The following NR6A1 variants were observed in gnomAD, a reference collection of about 807,000 sequenced individuals.
The protein encoded by NR6A1 is nuclear receptor subfamily 6 group A member 1, also known as retinoic acid receptor-related testis-associated receptor.
A neutral mutation model predicts 59.1 loss-of-function variants in NR6A1; 7 were observed. The observed-to-expected ratio is 0.12, with a 90% CI of 0.07 to 0.22. The LOEUF is 0.22. Ranked by LOEUF, NR6A1 falls within the 10% of genes least tolerant of loss-of-function variation. The probability of loss-of-function intolerance (pLI) is 1.00; values close to 1 mark genes in which losing one functional copy is unlikely to be tolerated. For missense variants in NR6A1, 468 were observed against 611.6 expected (o/e 0.77, Z 2.48); for synonymous variants, 243 against 236.1 (o/e 1.03, Z -0.27).
rs10639098 is a variant in NR6A1, at chr9:124,519,901, C to CAAAAAAAAAAA, written c.*2793_*2803dup. 2.9e-4 allele frequency: 7 copies of CAAAAAAAAAAA among 23,902 alleles called. No homozygotes were observed. Among genetic ancestry groups the CAAAAAAAAAAA allele is most frequent in the African/African-American group, 9.2e-4 (7 of 7,650 alleles). 1.5% of individuals were successfully genotyped at this position (23,902 alleles called of 1,614,324 possible). ...TGAGCGACAGAGCGAGACTCCGCCT[C>CAAAAAAAAAAA]AAAAAAAAAAAAAAAAAAAAAAAAA... On this transcript the variant is annotated 3_prime_UTR_variant, in exon 10 of 10. Transcript: ENST00000487099.
intron 2 of NR6A1, among the ~76,000 whole-genome samples, chr9:124,640,980 A>G (rs1479769893): frequency 6.6e-6 from 1 of 152,202 alleles, no homozygotes; most frequent in Non-Finnish European, 1.5e-5. Flanking sequence ...GAATTATGTT[A>G]AGCATTTCAT....
chr9:124,698,887 C>T (rs1266509577), intron 2 of NR6A1, among the ~76,000 whole-genome samples: 2 of 152,148 alleles, frequency 1.3e-5, no homozygotes, highest in East Asian at 1.9e-4. Flanking sequence ...GTTCTTCAGA[C>T]TAAATCTACT....
At chr9:124,617,689 G>C (rs765069354) in intron 2 of NR6A1, among the ~76,000 whole-genome samples, 2 of 152,110 alleles carry the variant, frequency 1.3e-5, no homozygotes, top group Admixed American at 1.3e-4. Flanking sequence ...GCATCCCCCA[G>C]ACCAACAAGG....
chr9:124,538,231 G>A lies in NR6A1; in HGVS notation c.685C>T (p.Leu229Phe), dbSNP rs1833338892. The A allele has an allele frequency of 8.7e-6, 14 of 1,614,036 alleles. No individual in the cohort carries two copies. The highest frequency in any genetic ancestry group is 1.2e-5 in the Non-Finnish European group (14 of 1,180,026). ...VPPHYQYIPH[L>F]FSYSGHSPLL... ...GGTGAGTGGCCAGAATAGCTAAAAA[G>A]GTGCGGTATATATTGGTAATGTGGA... The change falls in exon 6 of 10, where the codon CTT becomes TTT. Residue 229 changes from leucine (L) to phenylalanine (F), a missense_variant. This residue lies in a region of NR6A1 where 151 missense variants were observed against 142.8 expected (regional missense o/e 1.06). Transcript: ENST00000487099.
At chr9:124,738,147 A>G (rs1318128164) in intron 1 of NR6A1, among the ~76,000 whole-genome samples, 1 of 151,898 alleles carries the variant, frequency 6.6e-6, no homozygotes, top group African/African-American at 2.4e-5. Flanking sequence ...ACAGCTACTC[A>G]GGAGGCTGAG....
At chr9:124,550,917 T>C (rs577854986) in intron 3 of NR6A1, among the ~76,000 whole-genome samples, 5 of 152,246 alleles carry the variant, frequency 3.3e-5, no homozygotes, top group African/African-American at 1.2e-4. Flanking sequence ...CCTTTCGGTA[T>C]GAACTCATGG....
chr9:124,562,825 C>A (rs1834119389), intron 2 of NR6A1, among the ~76,000 whole-genome samples: 3 of 152,146 alleles, frequency 2.0e-5, no homozygotes, highest in East Asian at 1.9e-4. Context: ...TCTGAACCAG[C>A]TACAGAGCCC....
chr9:124,530,760 C>T (rs150885954), intron 7 of NR6A1, among the ~76,000 whole-genome samples: 32 of 152,266 alleles, frequency 2.1e-4, no homozygotes, highest in Middle Eastern at 3.4e-3. Context: ...GACTCCAAGA[C>T]GAAAACTAAG....
At chr9:124,545,283 C>CCTTA (rs1230611348) in intron 3 of NR6A1, among the ~76,000 whole-genome samples, 1 of 152,202 alleles carries the variant, frequency 6.6e-6, no homozygotes, top group African/African-American at 2.4e-5. Flanking sequence ...AAAACACCAA[C>CCTTA]CTTAGGGCCT....
chr9:124,763,716 G>C (rs530068662), intron 1 of NR6A1, among the ~76,000 whole-genome samples: 3 of 152,052 alleles, frequency 2.0e-5, no homozygotes, highest in Non-Finnish European at 4.4e-5. Flanking sequence ...CTTTTCTTTC[G>C]TGACAGAAAG....
At chr9:124,523,861 AT>A (rs945561492) in intron 9 of NR6A1, among the ~76,000 whole-genome samples, 1 of 152,172 alleles carries the variant, frequency 6.6e-6, no homozygotes, top group Non-Finnish European at 1.5e-5. Context: ...GTATTGCTGA[AT>A]TTTACAGGAA....
chr9:124,570,909 TCTTA>T (rs1405579266), intron 2 of NR6A1, among the ~76,000 whole-genome samples: 2 of 152,246 alleles, frequency 1.3e-5, no homozygotes, highest in Non-Finnish European at 2.9e-5. Flanking sequence ...TATTTAAAAT[TCTTA>T]CTTCTTGTCT....
chr9:124,538,153 G>A lies in NR6A1; in HGVS notation c.763C>T (p.His255Tyr), dbSNP rs888984592. ...AGGTCCTCGGCTGATAACAGCTGGT[G>A]AATCAGACTGTATGACTGGGGATCC... ...SLDPQSYSLIHQLLSAEDLEP... is the reference protein window; with the variant it reads ...SLDPQSYSLIYQLLSAEDLEP... Residue 255 changes from histidine to tyrosine, a missense_variant, in exon 6 of 10, where the codon CAC becomes TAC. This residue lies in a region of NR6A1 where 151 missense variants were observed against 142.8 expected (regional missense o/e 1.06). Coordinates refer to ENST00000487099, the MANE Select transcript of NR6A1 (RefSeq NM_033334.4). 8 of 1,614,114 alleles carry A rather than the reference G, an allele frequency of 5.0e-6. No individual in the cohort carries two copies. The highest frequency in any genetic ancestry group is 5.1e-6 in the Non-Finnish European group (6 of 1,180,036).
chr9:124,714,889 T>G (rs540280704), intron 2 of NR6A1, among the ~76,000 whole-genome samples: 43 of 152,200 alleles, frequency 2.8e-4, no homozygotes, highest in Admixed American at 1.5e-3. Flanking sequence ...AAAGATACAC[T>G]GACTTCGTAG....
chr9:124,572,532 C>T lies in NR6A1; in HGVS notation c.143-17962G>A, dbSNP rs1451055274. 4.6e-5 allele frequency among the ~76,000 whole-genome samples: 7 copies of T among 152,152 alleles called. No individual in the cohort carries two copies. The South Asian group carries it at 1.0e-3, about 22-fold the overall frequency. ...AGGGAAATGATTACCCAAGGTCATACGAATTGAGAACACATGAAGAAAGTG... is the reference window on the plus strand; with the variant it reads ...AGGGAAATGATTACCCAAGGTCATATGAATTGAGAACACATGAAGAAAGTG... On this transcript the variant is annotated intron_variant, in intron 2 of 9. Transcript: ENST00000487099.
At chr9:124,619,709 T>G (rs1445096465) in intron 2 of NR6A1, among the ~76,000 whole-genome samples, 4 of 152,198 alleles carry the variant, frequency 2.6e-5, no homozygotes, top group Non-Finnish European at 5.9e-5. Flanking sequence ...TTTCCTTATC[T>G]GTAAAATAGG....
chr9:124,631,282 G>T (rs1441232537), intron 2 of NR6A1, among the ~76,000 whole-genome samples: 1 of 152,068 alleles, frequency 6.6e-6, no homozygotes, highest in Non-Finnish European at 1.5e-5. Context: ...TTTAGCGTTT[G>T]TTTCTCCCTG....
chr9:124,525,699 C>CTCTCTA (rs1554724041), intron 8 of NR6A1, among the ~76,000 whole-genome samples: 4 of 147,140 alleles, frequency 2.7e-5, no homozygotes, highest in Admixed American at 6.8e-5. Context: ...CTCTCTCTCT[C>CTCTCTA]TATATATATA....
intron 4 of NR6A1, 75 bp from the exon 5 acceptor site, chr9:124,540,262 T>C: frequency 1.4e-6 from 2 of 1,451,682 alleles, no homozygotes; most frequent in Non-Finnish European, 1.9e-6. Context: ...AGAGCTTATT[T>C]AAATCTCATA....
Sources: allele counts gnomAD v4.1 joint callset (sites outside exome capture counted in the v4.1 genomes callset), GRCh38; gene constraint gnomAD v4.1.1; regional missense constraint gnomAD v4.1.1; transcripts MANE v1.5; gene names NCBI Gene and HGNC (gene_info 2026-07-23, HGNC 2026-07-21).